Variants in CAPN2 observed in about 807,000 individuals in gnomAD.
CAPN2 encodes calpain 2.
Under a neutral mutation model 102.3 loss-of-function variants are expected in CAPN2, and 92 were observed. That is an observed-to-expected ratio of 0.90 (90% CI 0.76 to 1.07). The LOEUF is 1.07. CAPN2 is among the 50% of genes least tolerant of loss of function. The pLI is 0.00. For missense variants in CAPN2, 800 were observed against 909.4 expected (o/e 0.88, Z 1.55); for synonymous variants, 340 against 355.4 (o/e 0.96, Z 0.49).
At chr1:223,748,638 C>T (rs763501231) in intron 5 of CAPN2, among the ~76,000 whole-genome samples, 10 of 152,228 alleles carry the variant, frequency 6.6e-5, no homozygotes, top group Middle Eastern at 3.4e-3. Flanking sequence ...GGTATCAGCC[C>T]TGCGCCATCG....
chr1:223,751,792 T>C (rs1660906713), intron 7 of CAPN2, among the ~76,000 whole-genome samples: 1 of 152,200 alleles, frequency 6.6e-6, no homozygotes, highest in Admixed American at 6.5e-5. Flanking sequence ...CTTTGCTCCC[T>C]GGTTTGCATC....
intron 2 of CAPN2, among the ~76,000 whole-genome samples, chr1:223,721,278 T>G (rs1485048562): frequency 6.6e-6 from 1 of 152,180 alleles, no homozygotes; most frequent in Non-Finnish European, 1.5e-5. Context: ...CAGCTAAATA[T>G]GGCTCTGAAA....
In CAPN2 at chr1:223,749,041, C is replaced by A; in HGVS notation, c.732C>A (p.Ile244=). 6.2e-7 allele frequency: 1 copy of A among 1,613,820 alleles called. No homozygotes were observed. The highest frequency in any genetic ancestry group is 8.5e-7 in the Non-Finnish European group (1 of 1,179,730). The change falls in exon 6 of 21, where the codon ATC becomes ATA. Residue 244 remains isoleucine (I), a splice_region_variant and synonymous_variant. Transcript: ENST00000295006. ...KGSLLGCSID[I]TSAADSEAIT... ...TCTGACGGTTGCTGTGTTTGCAGAT[C>A]ACCAGCGCCGCGGACTCGGAGGCCA... is the stretch of plus-strand genomic sequence containing the variant.
intron 1 of CAPN2, among the ~76,000 whole-genome samples, chr1:223,704,935 G>C (rs1244036028): frequency 6.6e-6 from 1 of 152,156 alleles, no homozygotes; most frequent in Non-Finnish European, 1.5e-5. Context: ...CAGCAGGATG[G>C]GTAGTTGGCT....
In CAPN2 at chr1:223,755,449, G is replaced by A. The variant is rs1434133859; in HGVS notation, c.1136-31G>A. 2 of 1,612,324 alleles carry A rather than the reference G, an allele frequency of 1.2e-6. No homozygotes were observed. Among genetic ancestry groups the A allele is most frequent in the Non-Finnish European group, 1.7e-6 (2 of 1,179,362 alleles). On this transcript the variant is annotated intron_variant, in intron 9 of 20. Transcript: ENST00000295006. This position sits in a 1 kb window ranked among gnomAD's most constrained non-coding sequence, Gnocchi z 4.1. ...CCACCCCCATGCATTCCTGCTCAGG[G>A]CTGGGCTCCTCTGCCCCTTTCTGGC...
At chr1:223,746,189 C>T (rs1398154661) in intron 4 of CAPN2, among the ~76,000 whole-genome samples, 1 of 152,194 alleles carries the variant, frequency 6.6e-6, no homozygotes, top group East Asian at 1.9e-4. Context: ...GCTGTGAGAA[C>T]CTGGAGCCTG....
intron 19 of CAPN2, 43 bp downstream of exon 19, chr1:223,771,968 T>C (rs1661488294): frequency 2.1e-6 from 3 of 1,398,146 alleles, no homozygotes; most frequent in African/African-American, 2.8e-5. Flanking sequence ...GTTCTCTTGG[T>C]ATTAAAGTGG....
intron 2 of CAPN2, among the ~76,000 whole-genome samples, chr1:223,740,407 C>T (rs1003214433): frequency 6.6e-6 from 1 of 152,186 alleles, no homozygotes; most frequent in African/African-American, 2.4e-5. Flanking sequence ...TATAACCTGA[C>T]GCGTCCACCC....
chr1:223,774,866 C>T lies in CAPN2; in HGVS notation c.*9C>T. The T allele has an allele frequency of 6.2e-7, 1 of 1,611,736 alleles. No homozygotes were observed. Among genetic ancestry groups the T allele is most frequent in the Non-Finnish European group, 8.5e-7 (1 of 1,178,398 alleles). ...GTTTCTCAGTACTTTGAAGTTATAA[C>T]TAATCTGCCTGAAGACTTCTCATGA... On this transcript the variant is annotated 3_prime_UTR_variant, in exon 21 of 21. Coordinates refer to ENST00000295006, the MANE Select transcript of CAPN2 (RefSeq NM_001748.5).
chr1:223,717,051 A>G (rs1659896061), intron 1 of CAPN2, among the ~76,000 whole-genome samples: 2 of 152,132 alleles, frequency 1.3e-5, no homozygotes, highest in African/African-American at 2.4e-5. Context: ...TACCCATTCC[A>G]TGAGGTAAAG....
intron 1 of CAPN2, among the ~76,000 whole-genome samples, chr1:223,703,102 A>G (rs1659523796): frequency 6.6e-6 from 1 of 152,116 alleles, no homozygotes; most frequent in Non-Finnish European, 1.5e-5. Flanking sequence ...TTGCTCTGCA[A>G]ACCACATTGC....
At chr1:223,710,614 A>C (rs1224642748), upstream of CAPN2, among the ~76,000 whole-genome samples, 1 of 152,120 alleles carries the variant, frequency 6.6e-6, no homozygotes, top group Admixed American at 6.5e-5. Context: ...TAGGTCTGAT[A>C]AGAAACATTT....
chr1:223,712,969 C>T, intron 1 of CAPN2, 92 bp downstream of exon 1: 1 of 944,648 alleles, frequency 1.1e-6, no homozygotes, highest in Admixed American at 4.5e-5. Context: ...GGGGGGCAGC[C>T]CGGGTGCTGC....
At chr1:223,719,603 ACAACACCTTAAGTGC>A (rs987382612) in intron 2 of CAPN2, among the ~76,000 whole-genome samples, 3 of 152,232 alleles carry the variant, frequency 2.0e-5, no homozygotes, top group Admixed American at 2.0e-4. Context: ...TCAGAGTTTA[ACAACACCTTAAGTGC>A]CAAAGTGTAA....
chr1:223,730,244 TTCTC>T (rs1375994080), intron 2 of CAPN2, among the ~76,000 whole-genome samples: 1 of 152,024 alleles, frequency 6.6e-6, no homozygotes, highest in Non-Finnish European at 1.5e-5. Flanking sequence ...GGGAAGGTGA[TTCTC>T]TACATCAAGC....
chr1:223,764,179 G>A lies in CAPN2; in HGVS notation c.1662G>A (p.Gln554=), dbSNP rs199718662. The change falls in exon 15 of 21, where the codon CAG becomes CAA. Residue 554 remains glutamine (Q), a synonymous_variant. Transcript: ENST00000295006. ...EDAEISAFEL[Q]TILRRVLAKR... is the part of the protein sequence containing the mutation. ...CGGAGATCTCTGCCTTTGAGCTGCA[G>A]ACCATCCTGAGAAGGGTTCTAGCAA... The A allele has an allele frequency of 4.3e-6, 7 of 1,614,018 alleles. 1 individual carries two copies. In the East Asian group the frequency reaches 1.6e-4, roughly 36 times the overall value.
chr1:223,769,017 G>A (rs1303038248), intron 16 of CAPN2, among the ~76,000 whole-genome samples: 1 of 152,080 alleles, frequency 6.6e-6, no homozygotes, highest in Non-Finnish European at 1.5e-5. Flanking sequence ...TTTCCCCAAG[G>A]CAAACTAGTC....
chr1:223,763,894 C>A (rs530857159), intron 14 of CAPN2, among the ~76,000 whole-genome samples: 31 of 152,244 alleles, frequency 2.0e-4, no homozygotes, highest in African/African-American at 6.7e-4. Context: ...GAGCTAGGAT[C>A]ATTCCACTGC....
chr1:223,705,532 G>C (rs1040067267), intron 1 of CAPN2, among the ~76,000 whole-genome samples: 3 of 152,156 alleles, frequency 2.0e-5, no homozygotes, highest in Admixed American at 6.5e-5. Context: ...TTGGGGCAGG[G>C]GATTGGAGGC....
Sources: gnomAD v4.1 joint callset for allele counts (sites outside exome capture counted in the v4.1 genomes callset) on GRCh38, gnomAD v4.1.1 for gene constraint, Gnocchi (gnomAD v3.1) non-coding constraint, MANE v1.5 for transcripts, NCBI Gene and HGNC (gene_info 2026-07-23, HGNC 2026-07-21) for gene names.